The following B3GAT2 variants were observed in gnomAD, a reference collection of about 807,000 sequenced individuals.
The protein encoded by B3GAT2 is beta-1,3-glucuronyltransferase 2, also known as galactosylgalactosylxylosylprotein 3-beta-glucuronosyltransferase 2.
In B3GAT2, 26 loss-of-function variants were observed where a neutral mutation model predicts 27.8. The ratio of observed to expected loss-of-function variants is 0.93; its 90% confidence interval spans 0.68 to 1.30. B3GAT2 has a LOEUF of 1.30. B3GAT2 is among the 50% of genes most tolerant of loss of function. The probability of loss-of-function intolerance (pLI) is 0.00; values close to 1 mark genes in which losing one functional copy is unlikely to be tolerated. For missense variants in B3GAT2, 458 were observed against 459.0 expected, an observed-to-expected ratio of 1.00 and a Z score of 0.02; for synonymous variants, 218 against 195.1, an observed-to-expected ratio of 1.12 and a Z score of -0.98.
chr6:70,876,708 C>G (rs759900054), intron 2 of B3GAT2, among the ~76,000 whole-genome samples: 1 of 152,132 alleles, frequency 6.6e-6, no homozygotes, highest in Non-Finnish European at 1.5e-5. Flanking sequence ...ATATTATTCA[C>G]TCATTCAGAA....
intron 1 of B3GAT2, among the ~76,000 whole-genome samples, chr6:70,938,345 T>G (rs1335090317): frequency 2.0e-5 from 3 of 147,372 alleles, no homozygotes; most frequent in South Asian, 2.2e-4. Context: ...AATTTATAGA[T>G]TCAATGCCAT....
At chr6:70,944,240 G>A (rs1765439349) in intron 1 of B3GAT2, among the ~76,000 whole-genome samples, 1 of 152,022 alleles carries the variant, frequency 6.6e-6, no homozygotes, top group South Asian at 2.1e-4. Flanking sequence ...AGTGGGTGCA[G>A]CACACCGTGC....
At chr6:70,885,603 T>C (rs1426425859) in intron 2 of B3GAT2, among the ~76,000 whole-genome samples, 1 of 152,150 alleles carries the variant, frequency 6.6e-6, no homozygotes, top group Non-Finnish European at 1.5e-5. Context: ...ATGAAGTTCA[T>C]CATGAGCCCA....
At chr6:70,907,682 C>T (rs1772623556) in intron 1 of B3GAT2, among the ~76,000 whole-genome samples, 1 of 152,198 alleles carries the variant, frequency 6.6e-6, no homozygotes, top group Admixed American at 6.5e-5. Context: ...TCCTTAAAAA[C>T]AATCTATGTG....
chr6:70,929,212 G>C (rs571972426), intron 1 of B3GAT2, among the ~76,000 whole-genome samples: 1 of 152,028 alleles, frequency 6.6e-6, no homozygotes, highest in Admixed American at 6.6e-5. Context: ...GTAGGGAGAG[G>C]GGGGAGGGAT....
intron 1 of B3GAT2, among the ~76,000 whole-genome samples, chr6:70,895,276 T>C (rs968572364): frequency 6.6e-6 from 1 of 152,082 alleles, no homozygotes; most frequent in African/African-American, 2.4e-5. Flanking sequence ...TTATTTGCTA[T>C]AGAACTGAAC....
intron 1 of B3GAT2, among the ~76,000 whole-genome samples, chr6:70,923,408 G>A (rs776507593): frequency 3.3e-4 from 50 of 152,100 alleles, no homozygotes; most frequent in Non-Finnish European, 6.0e-4. Flanking sequence ...CAGGTGCAAC[G>A]GCTCACACCC....
chr6:70,884,216 C>A (rs561469548), intron 2 of B3GAT2, among the ~76,000 whole-genome samples: 1 of 151,998 alleles, frequency 6.6e-6, no homozygotes, highest in South Asian at 2.1e-4. Flanking sequence ...TTTTCAAAGC[C>A]CCTTGCCATT....
intron 1 of B3GAT2, among the ~76,000 whole-genome samples, chr6:70,927,427 G>A (rs904896768): frequency 2.6e-5 from 4 of 152,092 alleles, no homozygotes; most frequent in African/African-American, 7.2e-5. Context: ...GTATTCAGGA[G>A]ACCCATCTCA....
intron 1 of B3GAT2, among the ~76,000 whole-genome samples, chr6:70,947,338 G>A (rs967610170): frequency 5.9e-5 from 9 of 151,830 alleles, no homozygotes; most frequent in African/African-American, 1.9e-4. Flanking sequence ...CCACTAGCAA[G>A]ACTAATAAAG....
intron 2 of B3GAT2, among the ~76,000 whole-genome samples, chr6:70,865,558 T>C (rs1771836209): frequency 6.6e-6 from 1 of 152,340 alleles, no homozygotes; most frequent in Middle Eastern, 3.4e-3. Flanking sequence ...TATCAGGGAC[T>C]TGAGCGTCCA....
At position 70,925,487 on chromosome 6, in the gene B3GAT2, C is replaced by A. The variant is rs112397943; in HGVS notation, c.591+30352G>T. ...CCAATGGTCTTAGCAAACGGCACAC[C>A]AGGAGATTATAACCCGTGCCTGGCT... is the stretch of plus-strand genomic sequence containing the variant. On this transcript the variant is annotated intron_variant, in intron 1 of 3. Transcript: ENST00000230053. Among the ~76,000 whole-genome samples the A allele has an allele frequency of 9.3e-3, 1,417 of 152,356 alleles. 11 individuals carry two copies. Among genetic ancestry groups the A allele is most frequent in the Middle Eastern group, 0.048 (14 of 294 alleles).
intron 1 of B3GAT2, among the ~76,000 whole-genome samples, chr6:70,926,408 A>C (rs1201823934): frequency 6.6e-6 from 1 of 152,224 alleles, no homozygotes; most frequent in Non-Finnish European, 1.5e-5. Context: ...AACCCATCTC[A>C]AAGAAGCTAA....
chr6:70,930,038 C>T (rs1773033975), intron 1 of B3GAT2, among the ~76,000 whole-genome samples: 1 of 152,188 alleles, frequency 6.6e-6, no homozygotes, highest in Non-Finnish European at 1.5e-5. Flanking sequence ...AATAATACCA[C>T]ACATCTACAA....
intron 1 of B3GAT2, among the ~76,000 whole-genome samples, chr6:70,912,353 T>A (rs994731736): frequency 7.9e-5 from 12 of 152,224 alleles, no homozygotes; most frequent in Middle Eastern, 3.4e-3. Context: ...GAATTTTGCA[T>A]TCAATAGATG....
chr6:70,948,681 C>T (rs955223879), intron 1 of B3GAT2, among the ~76,000 whole-genome samples: 5 of 151,686 alleles, frequency 3.3e-5, no homozygotes, highest in South Asian at 2.1e-4. Context: ...GATTCAATGC[C>T]ATCCCCATCA....
In B3GAT2 at chr6:70,860,142, A is replaced by G. The variant is rs992762603; in HGVS notation, c.*1521T>C. On this transcript the variant is annotated 3_prime_UTR_variant, in exon 4 of 4. Coordinates refer to ENST00000230053, the MANE Select transcript of B3GAT2 (RefSeq NM_080742.3). ...AAAATGACCAACTGTGTGGCTAAAG[A>G]AACAAGAATTAAAAGTGAAGTAAGC... is the stretch of plus-strand genomic sequence containing the variant. 1 of 1,509,630 alleles carries G rather than the reference A, an allele frequency of 6.6e-7. No homozygotes were observed. Among genetic ancestry groups the G allele is most frequent in the African/African-American group, 1.4e-5 (1 of 71,548 alleles). 93.5% of individuals were successfully genotyped at this position (1,509,630 alleles called of 1,614,324 possible).
intron 1 of B3GAT2, among the ~76,000 whole-genome samples, chr6:70,942,818 G>GA (rs1355487025): frequency 1.3e-5 from 2 of 152,170 alleles, no homozygotes; most frequent in Non-Finnish European, 2.9e-5. Flanking sequence ...CAGGTAGGTA[G>GA]AAGGAATCTT....
At chr6:70,940,231 A>G (rs575491098) in intron 1 of B3GAT2, among the ~76,000 whole-genome samples, 1 of 152,260 alleles carries the variant, frequency 6.6e-6, no homozygotes, top group Non-Finnish European at 1.5e-5. Context: ...AATAAGCTTT[A>G]GAATGTTTTT....
Sources: gnomAD v4.1 joint callset for allele counts (sites outside exome capture counted in the v4.1 genomes callset) on GRCh38, gnomAD v4.1.1 for gene constraint, MANE v1.5 for transcripts, NCBI Gene and HGNC (gene_info 2026-07-23, HGNC 2026-07-21) for gene names.